The following PREX1 variants were observed in gnomAD, a reference collection of about 807,000 sequenced individuals.
PREX1 encodes the protein phosphatidylinositol 3,4,5-trisphosphate-dependent Rac exchanger 1 protein.
Under a neutral mutation model 198.3 loss-of-function variants are expected in PREX1, and 41 were observed. That is an observed-to-expected ratio of 0.21 (90% CI 0.16 to 0.27). The LOEUF (loss-of-function observed/expected upper bound fraction) is 0.27, where lower values mean the gene tolerates loss of function less well. Among genes scored for constraint, PREX1 ranks in the 10% least tolerant of loss-of-function variants. PREX1 has a pLI of 1.00. For missense variants in PREX1, 1,620 were observed against 2,200.7 expected (o/e 0.74, Z 5.28); for synonymous variants, 843 against 887.2 (o/e 0.95, Z 0.89).
At chr20:48,656,578 T>G in intron 18 of PREX1, 2 of 456,528 alleles carry the variant, frequency 4.4e-6, no homozygotes, top group Non-Finnish European at 8.8e-6. Flanking sequence ...GGAGCCCTCT[T>G]CCTCCAGAAA....
the PREX1 span, among the ~76,000 whole-genome samples, chr20:48,866,707 G>A: frequency 6.6e-6 from 1 of 152,044 alleles, no homozygotes; most frequent in Non-Finnish European, 1.5e-5. Context: ...TGGGCGGGTC[G>A]CTTGAGTCTG....
Position 48,708,434 on chromosome 20 carries a change from A to C in PREX1, c.622-13T>G. 6.2e-7 allele frequency: 1 copy of C among 1,613,046 alleles called. No individual in the cohort carries two copies. The highest frequency in any genetic ancestry group is 8.5e-7 in the Non-Finnish European group (1 of 1,179,200). ...TCTTGGCCAGCTCCTGGGGTAGAAT[A>C]GAGGTGGGGAGAAGAAAGCAAGACA... On this transcript the variant is annotated splice_polypyrimidine_tract_variant and intron_variant, in intron 5 of 39. Coordinates refer to ENST00000371941, the MANE Select transcript of PREX1 (RefSeq NM_020820.4).
chr20:48,873,821 A>C, the PREX1 span, among the ~76,000 whole-genome samples: 1 of 152,164 alleles, frequency 6.6e-6, no homozygotes, highest in African/African-American at 2.4e-5. Flanking sequence ...TCCTCATCCC[A>C]CCATCTTCCC....
At chr20:48,819,740 G>C (rs1028079031) in intron 1 of PREX1, among the ~76,000 whole-genome samples, 1 of 152,150 alleles carries the variant, frequency 6.6e-6, no homozygotes, top group South Asian at 2.1e-4. Context: ...TTCTTTTTGC[G>C]GTGTCTGAAG....
intron 16 of PREX1, among the ~76,000 whole-genome samples, chr20:48,659,460 C>G (rs564021392): frequency 3.3e-5 from 5 of 152,078 alleles, no homozygotes; most frequent in African/African-American, 7.2e-5. Flanking sequence ...TCAGAGGGAA[C>G]AGCAGTCCCT....
chr20:48,801,344 C>T (rs1250299973), intron 1 of PREX1, among the ~76,000 whole-genome samples: 3 of 152,228 alleles, frequency 2.0e-5, no homozygotes, highest in African/African-American at 7.2e-5. Context: ...CAGTCGGGCT[C>T]TCCCTCTTGC....
Position 48,666,233 on chromosome 20 carries a change from G to A in PREX1, c.1738+50C>T. 6.7e-7 allele frequency: 1 copy of A among 1,503,092 alleles called. No homozygotes were observed. The highest frequency in any genetic ancestry group is 9.0e-7 in the Non-Finnish European group (1 of 1,108,842). The allele number at this position is 1,503,092 out of a possible 1,614,324, so 93.1% of individuals were successfully genotyped here. A position where few individuals can be genotyped will look rare whatever the true frequency, so the allele number is the denominator to read the frequency against. ...CCTCCCATACTCCCCCAAACCATCAGCTCCAGGGAGCAAGGTCCCGGGGGC... is the reference window on the plus strand; with the variant it reads ...CCTCCCATACTCCCCCAAACCATCAACTCCAGGGAGCAAGGTCCCGGGGGC... On this transcript the variant is annotated intron_variant, in intron 15 of 39. Coordinates refer to ENST00000371941, the MANE Select transcript of PREX1 (RefSeq NM_020820.4). This position sits in a 1 kb window ranked among gnomAD's most constrained non-coding sequence, Gnocchi z 4.3.
At chr20:48,799,820 G>A (rs940914236) in intron 1 of PREX1, among the ~76,000 whole-genome samples, 4 of 152,170 alleles carry the variant, frequency 2.6e-5, no homozygotes, top group Admixed American at 1.3e-4. Flanking sequence ...CAGGGGCTGC[G>A]GGCACAAGGG....
At chr20:48,683,887 A>G (rs1197901807) in intron 10 of PREX1, among the ~76,000 whole-genome samples, 1 of 152,074 alleles carries the variant, frequency 6.6e-6, no homozygotes, top group African/African-American at 2.4e-5. Context: ...GTTCTGGGCA[A>G]GGGGATCAGC....
intron 5 of PREX1, among the ~76,000 whole-genome samples, chr20:48,720,956 G>C (rs1445046247): frequency 6.6e-6 from 1 of 152,174 alleles, no homozygotes. Context: ...CAGCCACTCT[G>C]CAAAAAACCT....
chr20:48,638,405 C>CA (rs2089382804), intron 30 of PREX1, among the ~76,000 whole-genome samples: 1 of 152,248 alleles, frequency 6.6e-6, no homozygotes, highest in Non-Finnish European at 1.5e-5. Context: ...CATGGCCCTA[C>CA]ACACGCCCTG....
chr20:48,734,755 T>C, intron 3 of PREX1, 105 bp from the exon 4 acceptor site: 3 of 907,622 alleles, frequency 3.3e-6, no homozygotes, highest in Non-Finnish European at 5.2e-6. Context: ...AGGACTACCC[T>C]GACCCAGGAG....
At chr20:48,865,117 A>G in the PREX1 span, among the ~76,000 whole-genome samples, 3 of 152,170 alleles carry the variant, frequency 2.0e-5, no homozygotes, top group Non-Finnish European at 2.9e-5. Context: ...ATAAAATGGT[A>G]CTGGGGAGTC....
chr20:48,756,859 A>T (rs891618837), intron 1 of PREX1, among the ~76,000 whole-genome samples: 1 of 152,226 alleles, frequency 6.6e-6, no homozygotes. Context: ...CACATGGCTG[A>T]GGAGGCCTCA....
At chr20:48,862,849 C>T in the PREX1 span, among the ~76,000 whole-genome samples, 1 of 138,632 alleles carries the variant, frequency 7.2e-6, no homozygotes, top group Non-Finnish European at 1.5e-5. Context: ...GGAGACAGGG[C>T]CTCACTGTGT....
the PREX1 span, among the ~76,000 whole-genome samples, chr20:48,837,264 G>A: frequency 3.3e-5 from 5 of 152,232 alleles, no homozygotes; most frequent in South Asian, 2.1e-4. Flanking sequence ...GCAGTGTGGC[G>A]ATTCCTCAAA....
intron 3 of PREX1, among the ~76,000 whole-genome samples, chr20:48,739,819 T>C (rs900582637): frequency 2.0e-5 from 3 of 152,208 alleles, no homozygotes; most frequent in Non-Finnish European, 4.4e-5. Flanking sequence ...TCTGTAAGCT[T>C]GCCCTATAAC....
the PREX1 span, among the ~76,000 whole-genome samples, chr20:48,851,282 G>A: frequency 2.0e-5 from 3 of 152,106 alleles, no homozygotes; most frequent in Admixed American, 6.5e-5. Context: ...TGAAGCGGGC[G>A]GATCTCTTGA....
rs186210440 is a variant in PREX1 at position 48,661,078 on chromosome 20, G to A, written c.1739-1017C>T. 7.5e-4 allele frequency among the ~76,000 whole-genome samples: 114 copies of A among 152,196 alleles called. 2 individuals carry two copies. The Middle Eastern group carries it at 0.01, about 14-fold the overall frequency. On this transcript the variant is annotated intron_variant, in intron 15 of 39. Transcript: ENST00000371941. The stretch of plus-strand genomic sequence containing the variant: ...AGTTGGATACTGTGACAAGCTGTAC[G>A]GCCCACAAAGCCTAAATTGTTACTA...
Sources: allele counts gnomAD v4.1 joint callset (sites outside exome capture counted in the v4.1 genomes callset), GRCh38; gene constraint gnomAD v4.1.1; non-coding constraint Gnocchi (gnomAD v3.1); transcripts MANE v1.5; gene names NCBI Gene and HGNC (gene_info 2026-07-23, HGNC 2026-07-21).